TRIM36: variants seen among roughly 807,000 people sequenced by gnomAD.
TRIM36 encodes tripartite motif containing 36.
A neutral mutation model predicts 72.4 loss-of-function variants in TRIM36; 42 were observed. The observed-to-expected ratio is 0.58, with a 90% CI of 0.45 to 0.75. The LOEUF (loss-of-function observed/expected upper bound fraction) is 0.75, where lower values mean the gene tolerates loss of function less well. Among genes scored for constraint, TRIM36 ranks in the 30% least tolerant of loss-of-function variants. TRIM36 has a pLI of 0.00. For synonymous variants in TRIM36, 315 were observed against 282.8 expected (o/e 1.11, Z -1.14); for missense variants, 913 against 857.1 (o/e 1.07, Z -0.81).
At chr5:115,150,687 A>C (rs570534036) in intron 2 of TRIM36, among the ~76,000 whole-genome samples, 3 of 152,320 alleles carry the variant, frequency 2.0e-5, no homozygotes, top group South Asian at 4.1e-4. Flanking sequence ...CTCCTACAGG[A>C]CCTGGGAGAC....
intron 7 of TRIM36, among the ~76,000 whole-genome samples, chr5:115,135,432 C>T (rs897762616): frequency 7.9e-5 from 12 of 151,602 alleles, no homozygotes; most frequent in African/African-American, 2.7e-4. Flanking sequence ...AATAGTATGT[C>T]GCCTACCCCA....
At chr5:115,170,109 C>T (rs1424962191), upstream of TRIM36, 2 of 378,998 alleles carry the variant, frequency 5.3e-6, no homozygotes, top group East Asian at 1.5e-4. Flanking sequence ...GACTCGGCGC[C>T]CTCCGCCGCC....
chr5:115,167,917 C>G (rs954670695), intron 1 of TRIM36, among the ~76,000 whole-genome samples: 4 of 152,184 alleles, frequency 2.6e-5, no homozygotes, highest in African/African-American at 7.2e-5. Context: ...TTCTGCATGG[C>G]TGGAGAGGCC....
At chr5:115,134,374 A>G (rs1267287263) in intron 7 of TRIM36, among the ~76,000 whole-genome samples, 2 of 152,098 alleles carry the variant, frequency 1.3e-5, no homozygotes, top group Non-Finnish European at 2.9e-5. Flanking sequence ...GAAGAGTAAA[A>G]AAGACAAAAA....
intron 2 of TRIM36, among the ~76,000 whole-genome samples, chr5:115,152,569 G>A (rs1338334622): frequency 2.0e-5 from 3 of 152,132 alleles, no homozygotes; most frequent in East Asian, 1.9e-4. Flanking sequence ...GAACACTGTC[G>A]TCAGGTTACC....
At chr5:115,171,913 C>G (rs1453346244), upstream of TRIM36, among the ~76,000 whole-genome samples, 4 of 152,234 alleles carry the variant, frequency 2.6e-5, no homozygotes, top group African/African-American at 9.6e-5. Context: ...ATCTATTCAT[C>G]CTTCTGAAAC....
intron 2 of TRIM36, 61 bp from the exon 3 acceptor site, chr5:115,147,455 A>C (rs1157233940): frequency 6.5e-7 from 1 of 1,529,174 alleles, no homozygotes; most frequent in East Asian, 2.3e-5. Context: ...GAATGAAGAA[A>C]AGAGGAGTCA....
At chr5:115,130,360 A>G (rs1206912231) in intron 9 of TRIM36, among the ~76,000 whole-genome samples, 1 of 152,254 alleles carries the variant, frequency 6.6e-6, no homozygotes, top group Admixed American at 6.5e-5. Context: ...GCTATATCAC[A>G]ATTAAGAGAT....
chr5:115,146,819 C>T (rs963924164), intron 3 of TRIM36, among the ~76,000 whole-genome samples: 5 of 152,130 alleles, frequency 3.3e-5, no homozygotes, highest in East Asian at 1.9e-4. Flanking sequence ...TACAAACATG[C>T]ATTTATTGTA....
intron 5 of TRIM36, among the ~76,000 whole-genome samples, chr5:115,138,146 C>G (rs1000010725): frequency 3.9e-5 from 6 of 152,238 alleles, no homozygotes; most frequent in Non-Finnish European, 8.8e-5. Flanking sequence ...GTCGCACAGA[C>G]TGGAGTGCAG....
chr5:115,151,493 C>G lies in TRIM36; in HGVS notation c.263-4099G>C, dbSNP rs369597107. ...GCATATAATCTTGGGAGTTCTAGGG[C>G]CCTGCCCACTGCCTGTTCCTCCCCC... On this transcript the variant is annotated intron_variant, in intron 2 of 9. Coordinates refer to ENST00000513154, the MANE Select transcript of TRIM36 (RefSeq NM_001300759.2). Among the ~76,000 whole-genome samples, 146 of 152,242 alleles carry G rather than the reference C, an allele frequency of 9.6e-4. 2 individuals are homozygous for G. In the South Asian group the frequency reaches 0.017, roughly 18 times the overall value.
intron 1 of TRIM36, among the ~76,000 whole-genome samples, chr5:115,169,331 T>C (rs1320350575): frequency 6.6e-6 from 1 of 152,244 alleles, no homozygotes; most frequent in East Asian, 1.9e-4. Context: ...AGACCCTCCA[T>C]GATTCCCCCG....
Position 115,147,316 on chromosome 5 carries a change from T to C in TRIM36, c.341A>G (p.Glu114Gly), listed in dbSNP as rs748901158. Reference sequence around the variant, plus strand: ...TCGAAACAGACCATTGATTCCTCGTTCTCCAAGATCCACATCATGCTCACA... The same window carrying C: ...TCGAAACAGACCATTGATTCCTCGTCCTCCAAGATCCACATCATGCTCACA... ...PGCEHDVDLG[E>G]RGINGLFRNF... The change falls in exon 3 of 10, where the codon GAA becomes GGA. Residue 114 changes from glutamate (E) to glycine (G), a missense_variant. Coordinates refer to ENST00000513154, the MANE Select transcript of TRIM36 (RefSeq NM_001300759.2). The C allele has an allele frequency of 1.2e-6, 2 of 1,614,172 alleles. No individual in the cohort carries two copies. The highest frequency in any genetic ancestry group is 3.3e-5 in the Admixed American group (2 of 60,020).
intron 1 of TRIM36, among the ~76,000 whole-genome samples, chr5:115,165,105 C>T (rs1754689997): frequency 6.6e-6 from 1 of 152,210 alleles, no homozygotes; most frequent in Non-Finnish European, 1.5e-5. Flanking sequence ...CAGTTCCACC[C>T]CTGTGGCTTT....
chr5:115,130,448 C>T lies in TRIM36; in HGVS notation c.1796+144G>A, dbSNP rs6866580. The T allele has an allele frequency of 0.35, 286,817 of 808,000 alleles. 52,786 individuals are homozygous for T. The highest frequency in any genetic ancestry group is 0.54 in the East Asian group (19,850 of 36,998). The allele number at this position is 808,000 out of a possible 1,614,324, so 50.1% of individuals were successfully genotyped here. ...TTCAATGTGTGATTACAAGAATACC[C>T]GGCTCCTTTTCTCAATCAAGCCACA... is the stretch of plus-strand genomic sequence containing the variant. On this transcript the variant is annotated intron_variant, in intron 9 of 9. Coordinates refer to ENST00000513154, the MANE Select transcript of TRIM36 (RefSeq NM_001300759.2).
chr5:115,159,884 T>A (rs868586468), intron 2 of TRIM36, among the ~76,000 whole-genome samples: 31 of 152,304 alleles, frequency 2.0e-4, no homozygotes, highest in African/African-American at 7.0e-4. Flanking sequence ...ATTGTGGGTA[T>A]AGCACTTAAG....
chr5:115,125,272 A>G lies in TRIM36; in HGVS notation c.*1231T>C, dbSNP rs948960877. ...TAACCTCAAAAAAATAAGTACTTTA[A>G]ATAAAAACCACCTACTTGAAAGCAA... On this transcript the variant is annotated 3_prime_UTR_variant, in exon 10 of 10. Coordinates refer to ENST00000513154, the MANE Select transcript of TRIM36 (RefSeq NM_001300759.2). The G allele has an allele frequency of 1.3e-5, 2 of 152,294 alleles. No homozygotes were observed. The highest frequency in any genetic ancestry group is 3.9e-4 in the East Asian group (2 of 5,190). 9.4% of individuals were successfully genotyped at this position (152,294 alleles called of 1,614,324 possible). A position where few individuals can be genotyped will look rare whatever the true frequency, so the allele number is the denominator to read the frequency against.
chr5:115,170,017 G>C, upstream of TRIM36: 1 of 1,044,088 alleles, frequency 9.6e-7, no homozygotes, highest in Non-Finnish European at 1.2e-6. Flanking sequence ...AAAGAGGCGG[G>C]GCCGCCTGGG....
At chr5:115,136,851 T>G in intron 7 of TRIM36, 149 bp downstream of exon 7, 1 of 669,252 alleles carries the variant, frequency 1.5e-6, no homozygotes, top group Non-Finnish European at 2.2e-6. Flanking sequence ...TTTAAAAACA[T>G]AAATAGGATA....
Sources: gnomAD v4.1 joint callset for allele counts (sites outside exome capture counted in the v4.1 genomes callset) on GRCh38, gnomAD v4.1.1 for gene constraint, MANE v1.5 for transcripts, NCBI Gene and HGNC (gene_info 2026-07-23, HGNC 2026-07-21) for gene names.